Variants in DOCK1 observed in about 807,000 individuals in gnomAD.
DOCK1 encodes the protein dedicator of cytokinesis protein 1.
A neutral mutation model predicts 262.7 loss-of-function variants in DOCK1; 138 were observed. The ratio of observed to expected loss-of-function variants is 0.53; its 90% CI spans 0.46 to 0.61. The LOEUF (loss-of-function observed/expected upper bound fraction) is 0.61, where lower values mean the gene tolerates loss of function less well. Ranked by LOEUF, DOCK1 falls within the 20% of genes least tolerant of loss-of-function variation. The pLI is 0.00. For synonymous variants in DOCK1, 866 were observed against 867.4 expected, an observed-to-expected ratio of 1.00 and a Z score of 0.03; for missense variants, 1,908 against 2,370.7, an observed-to-expected ratio of 0.80 and a Z score of 4.05.
intron 29 of DOCK1, among the ~76,000 whole-genome samples, chr10:127,295,656 A>G (rs1325101813): frequency 6.6e-6 from 1 of 151,942 alleles, no homozygotes; most frequent in Non-Finnish European, 1.5e-5. Flanking sequence ...ACTGCAGTCC[A>G]GTGAGACACT....
intron 29 of DOCK1, among the ~76,000 whole-genome samples, chr10:127,258,775 G>A (rs986922056): frequency 6.6e-6 from 1 of 152,188 alleles, no homozygotes; most frequent in Non-Finnish European, 1.5e-5. Context: ...CGGTTGCTCC[G>A]CATCCAGCCT....
intron 25 of DOCK1, among the ~76,000 whole-genome samples, chr10:127,120,036 A>G (rs1461147589): frequency 1.3e-5 from 2 of 152,144 alleles, no homozygotes; most frequent in Non-Finnish European, 2.9e-5. Context: ...CACACTGGGG[A>G]AGGGCCGTGA....
intron 23 of DOCK1, among the ~76,000 whole-genome samples, chr10:127,081,527 C>G (rs2046898042): frequency 6.6e-6 from 1 of 152,084 alleles, no homozygotes; most frequent in Non-Finnish European, 1.5e-5. Context: ...CAGTGTGTTT[C>G]TTGTGTGTTT....
chr10:127,358,078 G>C (rs2064233235), intron 32 of DOCK1, among the ~76,000 whole-genome samples: 1 of 152,032 alleles, frequency 6.6e-6, no homozygotes, highest in Non-Finnish European at 1.5e-5. Flanking sequence ...CACCGACTCT[G>C]CCAAGAAAAT....
intron 47 of DOCK1, among the ~76,000 whole-genome samples, chr10:127,432,202 C>G (rs1246467191): frequency 6.6e-6 from 1 of 152,144 alleles, no homozygotes; most frequent in Non-Finnish European, 1.5e-5. Flanking sequence ...CCAATTCCTG[C>G]CCTTTTACAA....
Position 127,012,419 on chromosome 10 carries a change from C to T in DOCK1, c.1201+45C>T, listed in dbSNP as rs369981818. ...GTTTCTATCAGCGTGTATTTGCATG[C>T]GTTGGGGCAGTGCTGTCTGGGTTGG... On this transcript the variant is annotated intron_variant, in intron 12 of 51. Coordinates refer to ENST00000623213, the MANE Select transcript of DOCK1 (RefSeq NM_001290223.2). The surrounding 1 kb of genome is among the most constrained non-coding windows in gnomAD (Gnocchi z 4.0). 2,110 of 1,585,294 alleles carry T rather than the reference C, an allele frequency of 1.3e-3. 4 individuals carry two copies. Among genetic ancestry groups the T allele is most frequent in the Non-Finnish European group, 1.8e-3 (2,025 of 1,155,330 alleles).
At chr10:126,946,320 G>A (rs911755437) in intron 1 of DOCK1, among the ~76,000 whole-genome samples, 1 of 152,124 alleles carries the variant, frequency 6.6e-6, no homozygotes, top group African/African-American at 2.4e-5. Context: ...GCCGAGGTGG[G>A]TGGATCACTT....
At chr10:127,208,958 G>T (rs543536608) in intron 27 of DOCK1, among the ~76,000 whole-genome samples, 1 of 152,280 alleles carries the variant, frequency 6.6e-6, no homozygotes, top group South Asian at 2.1e-4. Flanking sequence ...CACTTACCAA[G>T]TGGTCGTTAA....
intron 2 of DOCK1, among the ~76,000 whole-genome samples, chr10:126,973,112 GT>G (rs927710271): frequency 2.0e-5 from 3 of 151,970 alleles, no homozygotes; most frequent in African/African-American, 7.3e-5. Context: ...TGAAATCCTG[GT>G]TAATAAACAC....
chr10:127,033,915 A>G (rs2043409988), intron 18 of DOCK1, among the ~76,000 whole-genome samples: 1 of 152,144 alleles, frequency 6.6e-6, no homozygotes, highest in Non-Finnish European at 1.5e-5. Context: ...GGGAGCAGTA[A>G]GTCTCTTAAG....
intron 21 of DOCK1, among the ~76,000 whole-genome samples, chr10:127,052,006 C>T (rs1193338957): frequency 6.6e-6 from 1 of 152,102 alleles, no homozygotes; most frequent in East Asian, 1.9e-4. Flanking sequence ...TAATGAAAAT[C>T]TCTTCGATTT....
At chr10:127,013,671 T>A (rs1189794442) in intron 12 of DOCK1, 1 of 152,178 alleles carries the variant, frequency 6.6e-6, no homozygotes, top group Non-Finnish European at 1.5e-5. Context: ...GGGGTCCAGT[T>A]CCTTGAACTT....
chr10:127,010,780 T>C (rs1009242577), intron 11 of DOCK1, among the ~76,000 whole-genome samples: 2 of 152,220 alleles, frequency 1.3e-5, no homozygotes, highest in Admixed American at 1.3e-4. Flanking sequence ...AAAATTATAA[T>C]ATTAAATTGC....
chr10:127,001,516 T>C (rs2040594963), intron 10 of DOCK1: 1 of 152,226 alleles, frequency 6.6e-6, no homozygotes, highest in Non-Finnish European at 1.5e-5. Flanking sequence ...TGTTGTGCCT[T>C]CTGTGGGTTT....
intron 1 of DOCK1, among the ~76,000 whole-genome samples, chr10:126,931,793 G>A (rs916148155): frequency 0.019 from 2,829 of 152,160 alleles, 64 homozygotes; most frequent in African/African-American, 0.052. Flanking sequence ...GAGGATATGC[G>A]TGGCCCCTGC....
In DOCK1 at chr10:127,100,610, G is replaced by A. The variant is rs1001637614; in HGVS notation, c.2446-5621G>A. 2.0e-5 allele frequency among the ~76,000 whole-genome samples: 3 copies of A among 152,104 alleles called. No homozygotes were observed. The highest frequency in any genetic ancestry group is 4.4e-5 in the Non-Finnish European group (3 of 68,008). ...TGGCAGGAGGTGAGGTCCCTTGTGG[G>A]ATATGTGGAGGGACCCCGAGGAACC... On this transcript the variant is annotated intron_variant, in intron 23 of 51. Transcript: ENST00000623213. The surrounding 1 kb of genome is among the most constrained non-coding windows in gnomAD (Gnocchi z 5.5).
intron 29 of DOCK1, among the ~76,000 whole-genome samples, chr10:127,326,579 G>A (rs7917255): frequency 0.17 from 25,861 of 152,108 alleles, 2,318 homozygotes; most frequent in East Asian, 0.25. Context: ...TTCTTCCTCT[G>A]AAGTCTTGAA....
Position 126,928,263 on chromosome 10 carries a change from TTGCTG to T in DOCK1, c.46+22703_46+22707del, listed in dbSNP as rs1314624260. Among the ~76,000 whole-genome samples, 4 of 152,194 alleles carry T rather than the reference TTGCTG, an allele frequency of 2.6e-5. No homozygotes were observed. In the East Asian group the frequency reaches 7.7e-4, roughly 29 times the overall value. On this transcript the variant is annotated intron_variant, in intron 1 of 51. Coordinates refer to ENST00000623213, the MANE Select transcript of DOCK1 (RefSeq NM_001290223.2). ...TCGTGGGACCCATCTCCCTGGGCTC[TTGCTG>T]TGGGCCAGGGTTCAGCCTGATGAGC... is the stretch of plus-strand genomic sequence containing the variant.
chr10:127,153,908 C>A, intron 27 of DOCK1: 1 of 1,613,864 alleles, frequency 6.2e-7, no homozygotes, highest in South Asian at 1.1e-5. Flanking sequence ...TGTCTTGCCC[C>A]GTCCGATATG....
Sources: allele counts gnomAD v4.1 joint callset (sites outside exome capture counted in the v4.1 genomes callset), GRCh38; gene constraint gnomAD v4.1.1; non-coding constraint Gnocchi (gnomAD v3.1); transcripts MANE v1.5; gene names NCBI Gene and HGNC (gene_info 2026-07-23, HGNC 2026-07-21).